The following DSCAM variants were observed in gnomAD, a reference collection of about 807,000 sequenced individuals.
DSCAM encodes DS cell adhesion molecule, also known as cell adhesion molecule DSCAM.
Under a neutral mutation model 217.7 loss-of-function variants are expected in DSCAM, and 47 were observed. That is an observed-to-expected ratio of 0.22 (90% CI 0.17 to 0.28). The LOEUF is 0.28. Among genes scored for constraint, DSCAM ranks in the 10% least tolerant of loss-of-function variants. The probability of loss-of-function intolerance (pLI) is 1.00; values close to 1 mark genes in which losing one functional copy is unlikely to be tolerated. For missense variants in DSCAM, 2,080 were observed against 2,618.3 expected (o/e 0.79, Z 4.49); for synonymous variants, 1,056 against 1,015.3 (o/e 1.04, Z -0.76).
intron 25 of DSCAM, among the ~76,000 whole-genome samples, chr21:40,079,363 A>G (rs1195732678): frequency 6.6e-6 from 1 of 152,292 alleles, no homozygotes; most frequent in Non-Finnish European, 1.5e-5. Flanking sequence ...GGAAGCACCA[A>G]CAGATTTTCC....
chr21:40,281,442 C>T (rs1338049772), intron 10 of DSCAM, among the ~76,000 whole-genome samples: 1 of 152,154 alleles, frequency 6.6e-6, no homozygotes, highest in Non-Finnish European at 1.5e-5. Context: ...CTCCACTCAT[C>T]AATCAGTGCA....
At chr21:40,681,802 C>T (rs1014456529) in intron 3 of DSCAM, among the ~76,000 whole-genome samples, 11 of 152,078 alleles carry the variant, frequency 7.2e-5, no homozygotes, top group Admixed American at 4.6e-4. Context: ...AATGCAAAGA[C>T]ACACACAGGG....
intron 1 of DSCAM, among the ~76,000 whole-genome samples, chr21:40,800,558 G>T (rs1253022968): frequency 6.6e-6 from 1 of 152,140 alleles, no homozygotes; most frequent in African/African-American, 2.4e-5. Flanking sequence ...GAAAAACAAG[G>T]TATTGAAATT....
At chr21:40,384,022 A>AG (rs1333006680) in intron 3 of DSCAM, 1 of 152,260 alleles carries the variant, frequency 6.6e-6, no homozygotes, top group Non-Finnish European at 1.5e-5. Context: ...GAAGCTACTT[A>AG]GGGGGACTAG....
chr21:40,816,011 A>G (rs1390330343), intron 1 of DSCAM, among the ~76,000 whole-genome samples: 1 of 152,196 alleles, frequency 6.6e-6, no homozygotes, highest in African/African-American at 2.4e-5. Flanking sequence ...TGAGATCCCA[A>G]AGTCAGAGAG....
At chr21:40,841,457 G>C (rs769549137) in intron 1 of DSCAM, among the ~76,000 whole-genome samples, 3 of 152,196 alleles carry the variant, frequency 2.0e-5, no homozygotes, top group Admixed American at 6.5e-5. Context: ...AATATAGTTG[G>C]GGGGAGGGGC....
intron 1 of DSCAM, among the ~76,000 whole-genome samples, chr21:40,801,338 G>T (rs1038067204): frequency 3.3e-5 from 5 of 152,202 alleles, no homozygotes; most frequent in African/African-American, 1.2e-4. Flanking sequence ...AGAACAGAAA[G>T]ATTTGAAAAG....
chr21:40,387,138 C>G (rs1414836115), intron 3 of DSCAM, among the ~76,000 whole-genome samples: 2 of 152,096 alleles, frequency 1.3e-5, no homozygotes, highest in Admixed American at 1.3e-4. Context: ...CAGCAGGTTT[C>G]TCAGGTAAGG....
chr21:40,152,118 A>G (rs2090428875), intron 16 of DSCAM, among the ~76,000 whole-genome samples: 1 of 51,726 alleles, frequency 1.9e-5, no homozygotes. Flanking sequence ...AGCATATGGA[A>G]AAAAAAAAAC....
intron 3 of DSCAM, among the ~76,000 whole-genome samples, chr21:40,482,282 T>C (rs1601678169): frequency 6.6e-6 from 1 of 152,346 alleles, no homozygotes; most frequent in East Asian, 1.9e-4. Context: ...TTATGTAGTG[T>C]CAGAAGCACT....
At chr21:40,820,184 A>G (rs2091913776) in intron 1 of DSCAM, among the ~76,000 whole-genome samples, 1 of 152,224 alleles carries the variant, frequency 6.6e-6, no homozygotes, top group Admixed American at 6.5e-5. Context: ...AGCACTATAT[A>G]TAATAGCAAA....
intron 27 of DSCAM, among the ~76,000 whole-genome samples, chr21:40,074,280 TAC>T (rs930275186): frequency 2.6e-5 from 4 of 152,192 alleles, no homozygotes; most frequent in African/African-American, 9.7e-5. Flanking sequence ...TCCCTTGTAA[TAC>T]ACGTTACCGA....
chr21:40,653,572 C>A lies in DSCAM; in HGVS notation c.508+39238G>T, dbSNP rs142150047. ...ATTGGTATCAGTGATGGAAAGAAGG[C>A]CACACCCTCTCTACTTGGTCTGCTG... On this transcript the variant is annotated intron_variant, in intron 3 of 32. Coordinates refer to ENST00000400454, the MANE Select transcript of DSCAM (RefSeq NM_001389.5). Among the ~76,000 whole-genome samples, 19 of 152,198 alleles carry A rather than the reference C, an allele frequency of 1.2e-4. No individual in the cohort carries two copies. In the East Asian group the frequency reaches 3.7e-3, roughly 29 times the overall value.
chr21:40,513,852 T>C (rs946971808), intron 3 of DSCAM, among the ~76,000 whole-genome samples: 1 of 152,062 alleles, frequency 6.6e-6, no homozygotes, highest in Non-Finnish European at 1.5e-5. Context: ...AAAAAAACTG[T>C]ATGTAACAAC....
intron 1 of DSCAM, among the ~76,000 whole-genome samples, chr21:40,748,561 A>C (rs1253684775): frequency 6.6e-6 from 1 of 152,090 alleles, no homozygotes; most frequent in Non-Finnish European, 1.5e-5. Flanking sequence ...GAAAACTATA[A>C]AACGCCAATG....
At chr21:40,436,855 C>T (rs1247871924) in intron 3 of DSCAM, among the ~76,000 whole-genome samples, 1 of 13,146 alleles carries the variant, frequency 7.6e-5, no homozygotes, top group African/African-American at 3.4e-4. Context: ...CTGAAACAAT[C>T]AATTTATAGA....
intron 10 of DSCAM, among the ~76,000 whole-genome samples, chr21:40,284,462 T>G (rs185349671): frequency 5.3e-5 from 8 of 152,360 alleles, no homozygotes; most frequent in Admixed American, 3.3e-4. Context: ...GCCTGAAAAC[T>G]ACATTCCCTG....
chr21:40,022,574 A>T (rs2088293162), intron 32 of DSCAM, among the ~76,000 whole-genome samples: 1 of 152,180 alleles, frequency 6.6e-6, no homozygotes, highest in East Asian at 1.9e-4. Flanking sequence ...ATGGAACTGT[A>T]ATCAGAAGGC....
At chr21:40,337,031 AATAC>A (rs1213046034) in intron 8 of DSCAM, among the ~76,000 whole-genome samples, 2 of 152,382 alleles carry the variant, frequency 1.3e-5, no homozygotes, top group African/African-American at 2.4e-5. Flanking sequence ...TACAATGCAC[AATAC>A]ATATTCTATA....
Sources: allele counts gnomAD v4.1 joint callset (sites outside exome capture counted in the v4.1 genomes callset), GRCh38; gene constraint gnomAD v4.1.1; transcripts MANE v1.5; gene names NCBI Gene and HGNC (gene_info 2026-07-23, HGNC 2026-07-21).